Variants in GPHN observed in about 807,000 individuals in gnomAD.
GPHN encodes the protein gephyrin.
Under a neutral mutation model 95.5 loss-of-function variants are expected in GPHN, and 17 were observed. That is an observed-to-expected ratio of 0.18 (90% confidence interval 0.12 to 0.27). The LOEUF (loss-of-function observed/expected upper bound fraction) is 0.27. Among genes scored for constraint, GPHN ranks in the 10% least tolerant of loss-of-function variants. The pLI, the probability that GPHN is intolerant of heterozygous loss-of-function variation, is 1.00. For synonymous variants in GPHN, 320 were observed against 322.5 expected (o/e 0.99, Z 0.08); for missense variants, 660 against 978.1 (o/e 0.67, Z 4.34).
rs185330024 is a variant in GPHN at position 66,975,444 on chromosome 14, C to T, written c.963+10119C>T. 8.5e-5 allele frequency among the ~76,000 whole-genome samples: 13 copies of T among 152,272 alleles called. No individual in the cohort carries two copies. The East Asian group carries it at 9.6e-4, about 11-fold the overall frequency. On this transcript the variant is annotated intron_variant, in intron 9 of 22. Coordinates refer to ENST00000478722, the MANE Select transcript of GPHN (RefSeq NM_020806.5). ...ATATATTGGAAGAAGCAGTTTTTAGCATTTGCATTTGACTGATTTACTGGC... is the reference window on the plus strand; with the variant it reads ...ATATATTGGAAGAAGCAGTTTTTAGTATTTGCATTTGACTGATTTACTGGC...
At chr14:66,847,152 T>C (rs1326697551) in intron 4 of GPHN, among the ~76,000 whole-genome samples, 2 of 152,134 alleles carry the variant, frequency 1.3e-5, no homozygotes, top group African/African-American at 4.8e-5. Flanking sequence ...TCCTTCCAAT[T>C]TCTTACCAAA....
the GPHN span, among the ~76,000 whole-genome samples, chr14:67,396,951 T>G: frequency 1.3e-5 from 2 of 152,072 alleles, no homozygotes; most frequent in Non-Finnish European, 2.9e-5. Context: ...AGACTTTTTT[T>G]TTTTTTTTGA....
At chr14:67,620,305 C>T in the GPHN span, among the ~76,000 whole-genome samples, 1 of 151,722 alleles carries the variant, frequency 6.6e-6, no homozygotes, top group African/African-American at 2.4e-5. Context: ...TGGAGGGCAC[C>T]CTGTTTGGGA....
At chr14:67,271,146 C>T in the GPHN span, 2 of 152,194 alleles carry the variant, frequency 1.3e-5, no homozygotes, top group South Asian at 4.1e-4. Flanking sequence ...AAACACTTAG[C>T]AGGTATCACG....
intron 2 of GPHN, among the ~76,000 whole-genome samples, chr14:66,771,425 C>T (rs577611345): frequency 6.6e-6 from 1 of 152,294 alleles, no homozygotes; most frequent in Admixed American, 6.5e-5. Context: ...ACAAGACATT[C>T]TTGAAGAAGT....
chr14:66,985,086 A>G (rs937241578), intron 9 of GPHN, among the ~76,000 whole-genome samples: 29 of 152,198 alleles, frequency 1.9e-4, no homozygotes, highest in African/African-American at 6.0e-4. Flanking sequence ...GCTTTGAGGC[A>G]GTAAATATAT....
the GPHN span, among the ~76,000 whole-genome samples, chr14:67,409,080 C>T: frequency 6.7e-6 from 1 of 149,686 alleles, no homozygotes; most frequent in Non-Finnish European, 1.5e-5. Flanking sequence ...AAAAAAAAAG[C>T]AAAAAACAAA....
chr14:67,251,541 A>T, the GPHN span, among the ~76,000 whole-genome samples: 1 of 152,140 alleles, frequency 6.6e-6, no homozygotes, highest in Non-Finnish European at 1.5e-5. Context: ...CCTGTCTCAA[A>T]AAAAAAGTAG....
the GPHN span, among the ~76,000 whole-genome samples, chr14:67,396,658 G>A: frequency 5.3e-5 from 8 of 152,248 alleles, no homozygotes; most frequent in African/African-American, 1.9e-4. Context: ...TGTCCAGAAT[G>A]ACTGCCTCTC....
intron 2 of GPHN, among the ~76,000 whole-genome samples, chr14:66,752,011 C>CT (rs2153448223): frequency 6.6e-6 from 1 of 152,252 alleles, no homozygotes; most frequent in South Asian, 2.1e-4. Context: ...GCACTTGCTG[C>CT]TTTACCTCGT....
At chr14:67,170,295 G>A (rs2082525261) in intron 21 of GPHN, among the ~76,000 whole-genome samples, 1 of 151,900 alleles carries the variant, frequency 6.6e-6, no homozygotes, top group Admixed American at 6.6e-5. Context: ...AATCAAATTT[G>A]AAATTAAGTG....
intron 10 of GPHN, among the ~76,000 whole-genome samples, chr14:67,044,579 G>A (rs979677357): frequency 6.6e-5 from 10 of 152,056 alleles, no homozygotes; most frequent in Admixed American, 1.3e-4. Flanking sequence ...AGCAAGAGCC[G>A]GTTGATGTAA....
At chr14:67,063,818 AAGG>A (rs1033840184) in intron 11 of GPHN, among the ~76,000 whole-genome samples, 1 of 152,192 alleles carries the variant, frequency 6.6e-6, no homozygotes, top group Non-Finnish European at 1.5e-5. Context: ...TTATCAGCTT[AAGG>A]AGATTTTGGG....
chr14:67,381,461 A>G, the GPHN span: 1 of 563,406 alleles, frequency 1.8e-6, no homozygotes, highest in Non-Finnish European at 3.1e-6. Context: ...ATAAATAAGG[A>G]ACTGCAGTAT....
chr14:66,705,188 A>C (rs2068954103), intron 2 of GPHN, among the ~76,000 whole-genome samples: 1 of 152,260 alleles, frequency 6.6e-6, no homozygotes, highest in South Asian at 2.1e-4. Flanking sequence ...ATACTAACCA[A>C]AAAAAGCCCA....
intron 4 of GPHN, among the ~76,000 whole-genome samples, chr14:66,869,798 T>C (rs1000433221): frequency 6.6e-6 from 1 of 152,232 alleles, no homozygotes; most frequent in Non-Finnish European, 1.5e-5. Flanking sequence ...AGCCCTCTTA[T>C]AAGATGTAGG....
At chr14:67,171,601 AG>A (rs2082602479) in intron 21 of GPHN, among the ~76,000 whole-genome samples, 1 of 152,140 alleles carries the variant, frequency 6.6e-6, no homozygotes, top group Non-Finnish European at 1.5e-5. Context: ...GAGACAGAAA[AG>A]GGGGAAAGCA....
chr14:67,029,624 A>G (rs374709593), intron 10 of GPHN, among the ~76,000 whole-genome samples: 17 of 152,360 alleles, frequency 1.1e-4, no homozygotes, highest in African/African-American at 3.8e-4. Context: ...GGCGTGAGCC[A>G]CTGCGCCCAG....
At chr14:67,226,181 T>C in the GPHN span, among the ~76,000 whole-genome samples, 3 of 152,116 alleles carry the variant, frequency 2.0e-5, no homozygotes, top group Admixed American at 1.3e-4. Flanking sequence ...TTTATTTACT[T>C]GTTTATTTAT....
Sources: gnomAD v4.1 joint callset for allele counts (sites outside exome capture counted in the v4.1 genomes callset) on GRCh38, gnomAD v4.1.1 for gene constraint, MANE v1.5 for transcripts, NCBI Gene and HGNC (gene_info 2026-07-23, HGNC 2026-07-21) for gene names.